The following C5orf34 variants were observed in gnomAD, a reference collection of about 807,000 sequenced individuals.
The protein encoded by C5orf34 is uncharacterized protein C5orf34.
A neutral mutation model predicts 78.4 loss-of-function variants in C5orf34; 73 were observed. That is an observed-to-expected ratio of 0.93 (90% CI 0.77 to 1.13). The LOEUF (loss-of-function observed/expected upper bound fraction) is 1.13, where lower values mean the gene tolerates loss of function less well. C5orf34 is among the 50% of genes most tolerant of loss of function. The probability of loss-of-function intolerance (pLI) is 0.00; values close to 1 mark genes in which losing one functional copy is unlikely to be tolerated. For missense variants in C5orf34, 730 were observed against 732.7 expected (o/e 1.00, Z 0.04); for synonymous variants, 251 against 246.6 (o/e 1.02, Z -0.17).
Position 43,506,348 on chromosome 5 carries a change from G to GT in C5orf34, c.331dup (p.Thr111AsnfsTer32). The GT allele has an allele frequency of 6.2e-7, 1 of 1,613,136 alleles. No homozygotes were observed. The highest frequency in any genetic ancestry group is 8.5e-7 in the Non-Finnish European group (1 of 1,179,734). Reference sequence around the variant, plus strand: ...CTCCATATATATCATGGTACCATCTGTATCAAGACTGGGCCATCTCACTTC... The same window carrying GT: ...CTCCATATATATCATGGTACCATCTGTTATCAAGACTGGGCCATCTCACTTC... On this transcript the variant is annotated frameshift_variant, in exon 4 of 13. Coordinates refer to ENST00000306862, the MANE Select transcript of C5orf34 (RefSeq NM_198566.4). LOFTEE classifies it high-confidence loss of function.
At position 43,505,957 on chromosome 5, in the gene C5orf34, G is replaced by A. The variant is rs748576097; in HGVS notation, c.723C>T (p.Cys241=). Residue 241 remains cysteine (C), a synonymous_variant, in exon 4 of 13, where the codon TGC becomes TGT. Transcript: ENST00000306862. ...CCTCTGGACAGGCAGCCACAGACCA[G>A]CACTGCTTGACCCATGTGTATACAC... is the stretch of plus-strand genomic sequence containing the variant. ...HTCVYTWVKQ[C]WSVAACPEEW... is the part of the protein sequence containing the mutation. The A allele has an allele frequency of 3.3e-5, 54 of 1,614,084 alleles. No individual in the cohort carries two copies. Among genetic ancestry groups the A allele is most frequent in the Non-Finnish European group, 4.1e-5 (48 of 1,180,036 alleles).
At chr5:43,511,378 C>CTCT (rs1277060511) in intron 1 of C5orf34, 85 of 155,396 alleles carry the variant, frequency 5.5e-4, no homozygotes, top group Middle Eastern at 3.2e-3. Context: ...GGGGCAGCCC[C>CTCT]GACCCGGCCA....
In C5orf34 at chr5:43,506,414, G is replaced by A. The variant is rs1745989919; in HGVS notation, c.286-20C>T. 1.3e-6 allele frequency: 2 copies of A among 1,563,404 alleles called. No homozygotes were observed. Among genetic ancestry groups the A allele is most frequent in the Non-Finnish European group, 1.7e-6 (2 of 1,158,164 alleles). On this transcript the variant is annotated intron_variant, in intron 3 of 12. Transcript: ENST00000306862. Reference sequence around the variant, plus strand: ...GATATGCTGCAAGGAGAGGGGAAAAGAGACGGTGAGTATTTTCTGTTAACA... The same window carrying A: ...GATATGCTGCAAGGAGAGGGGAAAAAAGACGGTGAGTATTTTCTGTTAACA...
At position 43,494,511 on chromosome 5, in the gene C5orf34, T is replaced by A. The variant is rs1445437279; in HGVS notation, c.1243A>T (p.Arg415Ter). ...TTCAATTGAATGGGAAGAACTTACCTTGTTGCCTGTTTAATTAGAGAACCG... is the reference window on the plus strand; with the variant it reads ...TTCAATTGAATGGGAAGAACTTACCATGTTGCCTGTTTAATTAGAGAACCG... ...TVGSLIKQAT[R>*]ILQHCVKMRL... Residue 415 changes from arginine (R) to a stop codon, truncating the protein, a stop_gained and splice_region_variant, in exon 7 of 13, where the codon AGA (arginine) becomes TGA (stop). Transcript: ENST00000306862. LOFTEE classifies it high-confidence loss of function. The A allele has an allele frequency of 6.3e-7, 1 of 1,596,310 alleles. No homozygotes were observed. The highest frequency in any genetic ancestry group is 1.7e-5 in the Admixed American group (1 of 59,776).
chr5:43,509,028 C>T, intron 2 of C5orf34, 117 bp downstream of exon 2: 1 of 742,134 alleles, frequency 1.3e-6, no homozygotes, highest in Non-Finnish European at 2.2e-6. Context: ...TCACTTGAGC[C>T]TAGGTGTTCG....
At chr5:43,496,172 G>A in intron 6 of C5orf34, 5 of 1,535,384 alleles carry the variant, frequency 3.3e-6, no homozygotes, top group Non-Finnish European at 4.5e-6. Context: ...AAGTCTCTGA[G>A]TCCTGGGGCA....
At chr5:43,506,704 C>G (rs1480757882) in intron 3 of C5orf34, among the ~76,000 whole-genome samples, 1 of 151,684 alleles carries the variant, frequency 6.6e-6, no homozygotes, top group Non-Finnish European at 1.5e-5. Context: ...ATTTGTATCC[C>G]TCCCCTCACC....
rs1216371182 is a variant in C5orf34, at chr5:43,493,489, A to C, written c.1314+54T>G. The C allele has an allele frequency of 5.6e-6, 6 of 1,068,098 alleles. No homozygotes were observed. In the East Asian group the frequency reaches 9.8e-5, roughly 17 times the overall value. 66.2% of individuals were successfully genotyped at this position (1,068,098 alleles called of 1,614,324 possible). On this transcript the variant is annotated intron_variant, in intron 8 of 12. Coordinates refer to ENST00000306862, the MANE Select transcript of C5orf34 (RefSeq NM_198566.4). ...ACTGTTTGAACTCAGAAGTATGGAT[A>C]TAAACAATAAAACAATTTAAAAATA...
At chr5:43,490,124 C>A (rs750424246) in intron 11 of C5orf34, among the ~76,000 whole-genome samples, 1 of 152,064 alleles carries the variant, frequency 6.6e-6, no homozygotes, top group East Asian at 1.9e-4. Flanking sequence ...CAGAAAGTTC[C>A]CTTGAAGCCC....
Position 43,495,487 on chromosome 5 carries a change from G to A in C5orf34, c.1153-886C>T, listed in dbSNP as rs1457586869. The A allele has an allele frequency of 5.0e-6, 8 of 1,606,098 alleles. No homozygotes were observed. The East Asian group carries it at 8.9e-5, about 18-fold the overall frequency. The stretch of plus-strand genomic sequence containing the variant: ...GGTCATTTTTGCTGTCACCAGCAAC[G>A]TTGCCACGACGAACATCCTTGACAG... On this transcript the variant is annotated intron_variant, in intron 6 of 12. Coordinates refer to ENST00000306862, the MANE Select transcript of C5orf34 (RefSeq NM_198566.4).
chr5:43,502,288 C>T (rs924109208), intron 6 of C5orf34, 84 bp downstream of exon 6: 41 of 1,418,566 alleles, frequency 2.9e-5, no homozygotes, highest in Non-Finnish European at 3.8e-5. Flanking sequence ...TATATAATGA[C>T]CAAATTTCCC....
At chr5:43,509,501 TAA>T (rs1746132493) in intron 1 of C5orf34, 126 bp from the exon 2 acceptor site, 1 of 550,992 alleles carries the variant, frequency 1.8e-6, no homozygotes, top group Non-Finnish European at 3.1e-6. Flanking sequence ...TTAAGAATAC[TAA>T]CTACACTGGA....
chr5:43,493,011 C>A, intron 8 of C5orf34, 121 bp from the exon 9 acceptor site: 10 of 449,274 alleles, frequency 2.2e-5, no homozygotes, highest in South Asian at 7.7e-5. Context: ...TTATAAAATC[C>A]TTATATTTTA....
At chr5:43,505,701 C>T in intron 4 of C5orf34, 47 bp downstream of exon 4, 1 of 1,493,796 alleles carries the variant, frequency 6.7e-7, no homozygotes. Flanking sequence ...CAGGTTAAGA[C>T]TGGTTCTGAT....
chr5:43,501,330 G>T (rs566968583), intron 6 of C5orf34, among the ~76,000 whole-genome samples: 1 of 132,258 alleles, frequency 7.6e-6, no homozygotes, highest in East Asian at 3.3e-4. Context: ...TCATTTGCTT[G>T]TTTGCCTGTC....
intron 1 of C5orf34, among the ~76,000 whole-genome samples, chr5:43,512,501 G>A (rs1307445070): frequency 6.6e-6 from 1 of 152,128 alleles, no homozygotes; most frequent in Non-Finnish European, 1.5e-5. Flanking sequence ...TATACCCAAT[G>A]ACTTTAGTCT....
chr5:43,503,875 C>T (rs887289148), intron 4 of C5orf34, 115 bp from the exon 5 acceptor site: 7 of 646,298 alleles, frequency 1.1e-5, no homozygotes, highest in Non-Finnish European at 1.6e-5. Flanking sequence ...CTCACTAGAT[C>T]AAAGAATAAA....
At chr5:43,488,221 G>A (rs946375702) in intron 11 of C5orf34, 3 of 443,910 alleles carry the variant, frequency 6.8e-6, no homozygotes, top group African/African-American at 4.0e-5. Flanking sequence ...AGGATAATGG[G>A]CCTTCCTGTT....
At chr5:43,513,430 C>T (rs1161059123) in intron 1 of C5orf34, among the ~76,000 whole-genome samples, 1 of 152,218 alleles carries the variant, frequency 6.6e-6, no homozygotes, top group African/African-American at 2.4e-5. Flanking sequence ...CCCTCAAATC[C>T]AGTCTGCATA....
Sources: gnomAD v4.1 joint callset for allele counts (sites outside exome capture counted in the v4.1 genomes callset) on GRCh38, gnomAD v4.1.1 for gene constraint, MANE v1.5 for transcripts, NCBI Gene and HGNC (gene_info 2026-07-23, HGNC 2026-07-21) for gene names.